MYPN: variants seen among roughly 807,000 people sequenced by gnomAD.
MYPN encodes myopalladin, also known as sarcomeric protein myopalladin, 145 kDa (MYOP).
MYPN carries 63 observed loss-of-function variants against 129.4 expected under a neutral mutation model. The observed-to-expected ratio is 0.49, with a 90% CI of 0.40 to 0.60. The LOEUF (loss-of-function observed/expected upper bound fraction) is 0.60, where lower values mean the gene tolerates loss of function less well. MYPN is among the 20% of genes least tolerant of loss of function. The pLI, the probability that MYPN is intolerant of heterozygous loss-of-function variation, is 0.00. For synonymous variants in MYPN, 629 were observed against 600.9 expected (o/e 1.05, Z -0.68); for missense variants, 1,596 against 1,635.4 (o/e 0.98, Z 0.42).
At chr10:68,096,108 C>A (rs537502996) in intron 1 of MYPN, among the ~76,000 whole-genome samples, 99 of 152,220 alleles carry the variant, frequency 6.5e-4, no homozygotes, top group Middle Eastern at 3.4e-3. Context: ...CACAAATCAA[C>A]CGATATTTCT....
intron 18 of MYPN, among the ~76,000 whole-genome samples, chr10:68,202,548 C>G (rs1343804164): frequency 6.6e-6 from 1 of 152,112 alleles, no homozygotes; most frequent in Non-Finnish European, 1.5e-5. Flanking sequence ...AAAGCTAACA[C>G]AAAATGAAAC....
At chr10:68,172,760 T>A (rs2134193061) in intron 10 of MYPN, among the ~76,000 whole-genome samples, 1 of 152,076 alleles carries the variant, frequency 6.6e-6, no homozygotes, top group South Asian at 2.1e-4. Context: ...TTTCTGAGAG[T>A]GAAAGTGAGT....
At chr10:68,092,495 C>CAA (rs1170392363) in intron 1 of MYPN, among the ~76,000 whole-genome samples, 4 of 96,514 alleles carry the variant, frequency 4.1e-5, no homozygotes, top group African/African-American at 1.5e-4. Flanking sequence ...GACTTCGTCT[C>CAA]AAAAAAAAAA....
chr10:68,157,990 C>T (rs2042909303), intron 6 of MYPN: 1 of 153,820 alleles, frequency 6.5e-6, no homozygotes, highest in Non-Finnish European at 1.4e-5. Context: ...AATAAATTTA[C>T]TTAGCATTGG....
chr10:68,194,346 A>T lies in MYPN; in HGVS notation c.2926-17A>T, dbSNP rs764784360. Reference sequence around the variant, plus strand: ...GATAAACAAAACAGTGTACATCTTGATAATTTTTCATTTCAGGTTTACTGG... The same window carrying T: ...GATAAACAAAACAGTGTACATCTTGTTAATTTTTCATTTCAGGTTTACTGG... On this transcript the variant is annotated splice_polypyrimidine_tract_variant and intron_variant, in intron 13 of 19. Coordinates refer to ENST00000358913, the MANE Select transcript of MYPN (RefSeq NM_032578.4). The T allele has an allele frequency of 6.8e-6, 11 of 1,612,586 alleles. No individual in the cohort carries two copies. Among genetic ancestry groups the T allele is most frequent in the Non-Finnish European group, 9.3e-6 (11 of 1,179,172 alleles).
At chr10:68,118,663 G>T (rs962944914) in intron 1 of MYPN, among the ~76,000 whole-genome samples, 1 of 151,972 alleles carries the variant, frequency 6.6e-6, no homozygotes, top group East Asian at 1.9e-4. Context: ...GAGAGACCTC[G>T]TTCCTACAGA....
At chr10:68,170,165 G>A (rs1045711178) in intron 10 of MYPN, among the ~76,000 whole-genome samples, 2 of 152,174 alleles carry the variant, frequency 1.3e-5, no homozygotes, top group African/African-American at 4.8e-5. Context: ...AAAGGAGGCT[G>A]GAAGTACAGT....
chr10:68,170,210 C>T (rs1480269394), intron 10 of MYPN, among the ~76,000 whole-genome samples: 1 of 152,144 alleles, frequency 6.6e-6, no homozygotes, highest in Non-Finnish European at 1.5e-5. Context: ...TGAACAAAAT[C>T]GGGTTCTTTT....
chr10:68,167,237 T>C (rs1239022214), intron 10 of MYPN, among the ~76,000 whole-genome samples: 1 of 152,230 alleles, frequency 6.6e-6, no homozygotes, highest in African/African-American at 2.4e-5. Flanking sequence ...AGTCCCCAGG[T>C]AAAGTACTTC....
In MYPN at chr10:68,210,533, A is replaced by T. The variant is rs752359641; in HGVS notation, c.*78A>T. On this transcript the variant is annotated 3_prime_UTR_variant, in exon 20 of 20. Transcript: ENST00000358913. ...AACAAGCCAGACTTGGTGGTTTCCAAGCAACCGAAGTTGAGTAAGTTCCCA... is the reference window on the plus strand; with the variant it reads ...AACAAGCCAGACTTGGTGGTTTCCATGCAACCGAAGTTGAGTAAGTTCCCA... The T allele has an allele frequency of 1.9e-6, 3 of 1,571,282 alleles. No homozygotes were observed. Among genetic ancestry groups the T allele is most frequent in the Non-Finnish European group, 2.6e-6 (3 of 1,149,170 alleles).
chr10:68,138,462 A>C (rs1216767745), intron 2 of MYPN, among the ~76,000 whole-genome samples: 4 of 151,020 alleles, frequency 2.6e-5, no homozygotes, highest in Non-Finnish European at 5.9e-5. Context: ...GTGGTGGTAA[A>C]TGCAATAACC....
intron 19 of MYPN, among the ~76,000 whole-genome samples, chr10:68,209,956 G>T (rs1265258905): frequency 3.3e-5 from 5 of 152,052 alleles, no homozygotes; most frequent in Non-Finnish European, 5.9e-5. Context: ...GCCTCCCAAA[G>T]TGCTGGGATT....
chr10:68,166,794 T>C, intron 10 of MYPN, 128 bp downstream of exon 10: 1 of 1,318,834 alleles, frequency 7.6e-7, no homozygotes. Flanking sequence ...TTTGGGAGGC[T>C]GAGGCAGGAG....
rs574327226 is a variant in MYPN, at chr10:68,170,210, CG to C, written c.1973+3547del. Among the ~76,000 whole-genome samples the C allele has an allele frequency of 2.0e-3, 297 of 152,260 alleles. 4 individuals carry two copies. The highest frequency in any genetic ancestry group is 6.9e-3 in the African/African-American group (286 of 41,544). ...CACATATTGCCACCATGAACAAAAT[CG>C]GGTTCTTTTACAAGGGGGGAATTAA... On this transcript the variant is annotated intron_variant, in intron 10 of 19. Coordinates refer to ENST00000358913, the MANE Select transcript of MYPN (RefSeq NM_032578.4).
chr10:68,164,499 T>C (rs1255147796), intron 8 of MYPN, among the ~76,000 whole-genome samples: 1 of 152,248 alleles, frequency 6.6e-6, no homozygotes. Context: ...CTACCTGCCA[T>C]GCCCCACTGG....
rs919149520 is a variant in MYPN, at chr10:68,176,413, C to A, written c.2703+952C>A. Among the ~76,000 whole-genome samples, 4 of 152,202 alleles carry A rather than the reference C, an allele frequency of 2.6e-5. 1 individual carries two copies. Among genetic ancestry groups the A allele is most frequent in the East Asian group, 1.9e-4 (1 of 5,168 alleles). Reference sequence around the variant, plus strand: ...AAGATTGGAACTGATAAAAATATTACAAAATTTCAGTCAGTACAGTATGCC... The same window carrying A: ...AAGATTGGAACTGATAAAAATATTAAAAAATTTCAGTCAGTACAGTATGCC... On this transcript the variant is annotated intron_variant, in intron 12 of 19. Coordinates refer to ENST00000358913, the MANE Select transcript of MYPN (RefSeq NM_032578.4).
At chr10:68,088,440 A>G (rs1399238510) in intron 1 of MYPN, among the ~76,000 whole-genome samples, 1 of 152,214 alleles carries the variant, frequency 6.6e-6, no homozygotes, top group African/African-American at 2.4e-5. Flanking sequence ...GACAGTCAAC[A>G]GAATCCTAGA....
At chr10:68,159,469 C>T (rs1250564638) in intron 7 of MYPN, among the ~76,000 whole-genome samples, 1 of 152,184 alleles carries the variant, frequency 6.6e-6, no homozygotes, top group African/African-American at 2.4e-5. Flanking sequence ...TTTTCTTTTT[C>T]ATATTTACTT....
intron 6 of MYPN, among the ~76,000 whole-genome samples, chr10:68,156,904 C>A (rs546730900): frequency 6.6e-6 from 1 of 152,168 alleles, no homozygotes; most frequent in Non-Finnish European, 1.5e-5. Context: ...TTAATTGTAA[C>A]CTTTTTTATG....
Sources: gnomAD v4.1 joint callset for allele counts (sites outside exome capture counted in the v4.1 genomes callset) on GRCh38, gnomAD v4.1.1 for gene constraint, MANE v1.5 for transcripts, NCBI Gene and HGNC (gene_info 2026-07-23, HGNC 2026-07-21) for gene names.